Variants in PIR observed in about 807,000 individuals in gnomAD.
The protein encoded by PIR is pirin, also known as pirin (iron-binding nuclear protein).
A neutral mutation model predicts 24.2 loss-of-function variants in PIR; 22 were observed. The ratio of observed to expected loss-of-function variants is 0.91; its 90% CI spans 0.65 to 1.30. The LOEUF (loss-of-function observed/expected upper bound fraction) is 1.30. Ranked by LOEUF, PIR falls within the 50% of genes most tolerant of loss-of-function variation. The pLI is 0.00. For missense variants in PIR, 220 were observed against 220.3 expected, an observed-to-expected ratio of 1.00 and a Z score of 0.01; for synonymous variants, 80 against 79.6, an observed-to-expected ratio of 1.00 and a Z score of -0.03.
chrX:15,398,665 GGAGGGTGTGTGTGTGTGT>G (rs1339893740), intron 7 of PIR, among the ~76,000 whole-genome samples: 7 of 36,361 alleles, frequency 1.9e-4, no homozygotes, highest in Non-Finnish European at 3.9e-4. Context: ...CCTTGAGGAG[GGAGGGTGTGTGTGTGTGT>G]GTGTGTGTGT....
At chrX:15,390,436 AAGT>A (rs1923922203) in intron 8 of PIR, among the ~76,000 whole-genome samples, 185 bp from the exon 9 acceptor site, 1 of 111,686 alleles carries the variant, frequency 9.0e-6, no homozygotes, top group Non-Finnish European at 1.9e-5. Context: ...GTTTAGTAGC[AAGT>A]AGAACTCAAG....
At position 15,420,797 on chromosome X, in the gene PIR, A is replaced by C. The variant is rs182626086; in HGVS notation, c.565+5109T>G. 6.0e-3 allele frequency among the ~76,000 whole-genome samples: 662 copies of C among 111,149 alleles called. 5 individuals are homozygous for C. Among genetic ancestry groups the C allele is most frequent in the Non-Finnish European group, 8.8e-3 (466 of 53,011 alleles). On this transcript the variant is annotated intron_variant, in intron 6 of 9. Transcript: ENST00000380420. ...GGTTGCAGTGAGCTATAATTGTGCC[A>C]CTTTACTCCAGCCTGGGTGACACAG... is the stretch of plus-strand genomic sequence containing the variant.
chrX:15,464,362 C>A, intron 3 of PIR: 4 of 724,319 alleles, frequency 5.5e-6, no homozygotes, highest in Non-Finnish European at 6.5e-6. Flanking sequence ...GACTTTTATA[C>A]AATGGAAACA....
chrX:15,490,486 C>T (rs189288130), intron 2 of PIR, among the ~76,000 whole-genome samples: 185 of 111,832 alleles, frequency 1.7e-3, no homozygotes, highest in African/African-American at 5.8e-3. Flanking sequence ...GCTGTATTCC[C>T]TGGGCTATGA....
chrX:15,407,653 C>T (rs1924592220), intron 6 of PIR, 103 bp from the exon 7 acceptor site: 1 of 588,502 alleles, frequency 1.7e-6, no homozygotes. Context: ...AGACGAAATC[C>T]TTTTTTTCCC....
chrX:15,422,764 T>A lies in PIR; in HGVS notation c.565+3142A>T, dbSNP rs189324722. ...AAAATGACAATACTACCCAAAGCAATGTACAGATTCAATGCAATCCCTACC... is the reference window on the plus strand; with the variant it reads ...AAAATGACAATACTACCCAAAGCAAAGTACAGATTCAATGCAATCCCTACC... On this transcript the variant is annotated intron_variant, in intron 6 of 9. Transcript: ENST00000380420. 1.1e-3 allele frequency among the ~76,000 whole-genome samples: 126 copies of A among 111,844 alleles called. 1 individual carries two copies. The East Asian group carries it at 0.027, about 24-fold the overall frequency.
chrX:15,398,199 A>G (rs59416691), intron 7 of PIR, among the ~76,000 whole-genome samples: 52,462 of 108,934 alleles, frequency 0.48, 9,774 homozygotes, highest in Non-Finnish European at 0.58. Flanking sequence ...ATACCTATGT[A>G]ACAAACCTGC....
At chrX:15,438,428 G>A (rs1428702842) in intron 5 of PIR, among the ~76,000 whole-genome samples, 1 of 112,299 alleles carries the variant, frequency 8.9e-6, no homozygotes, top group Non-Finnish European at 1.9e-5. Flanking sequence ...CCAAACTGGT[G>A]AAGGACCTAT....
intron 4 of PIR, among the ~76,000 whole-genome samples, chrX:15,457,455 T>G (rs1038366615): frequency 8.9e-6 from 1 of 112,085 alleles, no homozygotes; most frequent in African/African-American, 3.2e-5. Context: ...AACAATGTCA[T>G]GCATATCATT....
intron 4 of PIR, among the ~76,000 whole-genome samples, chrX:15,457,630 CCA>C (rs1164837817): frequency 9.0e-6 from 1 of 111,432 alleles, no homozygotes; most frequent in East Asian, 2.8e-4. Flanking sequence ...GAAGAGGATT[CCA>C]CAGAGAAACA....
intron 4 of PIR, among the ~76,000 whole-genome samples, 158 bp from the exon 5 acceptor site, chrX:15,456,212 C>T (rs982015354): frequency 8.9e-6 from 1 of 112,514 alleles, no homozygotes; most frequent in African/African-American, 3.2e-5. Flanking sequence ...GTGACAATTG[C>T]TGGGGCCCTT....
At chrX:15,473,851 A>C (rs1243144596) in intron 3 of PIR, among the ~76,000 whole-genome samples, 5 of 112,755 alleles carry the variant, frequency 4.4e-5, no homozygotes, top group Non-Finnish European at 7.5e-5. Context: ...CACCGCGCCC[A>C]GCCTCTGTTT....
At chrX:15,397,328 G>A in intron 8 of PIR, 121 bp downstream of exon 8, 1 of 515,676 alleles carries the variant, frequency 1.9e-6, no homozygotes, top group Middle Eastern at 3.3e-4. Context: ...ATAAACTTCT[G>A]GTATAATTTC....
In PIR at chrX:15,397,507, AT is replaced by A. The variant is rs1282196967; in HGVS notation, c.634del (p.Ile212Ter). ...YIGPDDAQQK[I>X]EPHHTAVLGE... Reference sequence around the variant, plus strand: ...AAGCACTGCTGTGTGATGAGGTTCTATTTTTTGTTGTGCATCATCGGGCCCT... The same window carrying A: ...AAGCACTGCTGTGTGATGAGGTTCTATTTTTGTTGTGCATCATCGGGCCCT... On this transcript the variant is annotated frameshift_variant, in exon 8 of 10. Coordinates refer to ENST00000380420, the MANE Select transcript of PIR (RefSeq NM_001018109.3). LOFTEE classifies it high-confidence loss of function. 5.0e-6 allele frequency: 6 copies of A among 1,205,330 alleles called. No individual in the cohort carries two copies. The highest frequency in any genetic ancestry group is 6.7e-6 in the Non-Finnish European group (6 of 890,867).
chrX:15,429,517 T>A (rs1381325659), intron 5 of PIR: 2 of 111,869 alleles, frequency 1.8e-5, no homozygotes, highest in African/African-American at 6.5e-5. Context: ...AATAATAAAC[T>A]ACCCCAAAGC....
chrX:15,423,761 G>C (rs1036948618), intron 6 of PIR, among the ~76,000 whole-genome samples: 13 of 112,137 alleles, frequency 1.2e-4, no homozygotes, highest in Admixed American at 9.4e-5. Flanking sequence ...ATGGGCAAAA[G>C]CTCAGAATAG....
At chrX:15,435,352 A>G in intron 5 of PIR, among the ~76,000 whole-genome samples, 1 of 112,547 alleles carries the variant, frequency 8.9e-6, no homozygotes. Context: ...TTTTTATTAA[A>G]TGGTTAACCA....
intron 5 of PIR, among the ~76,000 whole-genome samples, chrX:15,451,178 C>A (rs1478008676): frequency 9.0e-6 from 1 of 111,528 alleles, no homozygotes; most frequent in Non-Finnish European, 1.9e-5. Flanking sequence ...GGGGAGATAT[C>A]CACAAGAAAT....
At chrX:15,461,780 T>C (rs1270854433) in intron 3 of PIR, among the ~76,000 whole-genome samples, 2 of 111,278 alleles carry the variant, frequency 1.8e-5, no homozygotes, top group Non-Finnish European at 3.8e-5. Context: ...TGAGACTTCA[T>C]CTCAAAAAAA....
Sources: allele counts gnomAD v4.1 joint callset (sites outside exome capture counted in the v4.1 genomes callset), GRCh38; gene constraint gnomAD v4.1.1; transcripts MANE v1.5; gene names NCBI Gene and HGNC (gene_info 2026-07-23, HGNC 2026-07-21).